The following SDK2 variants were observed in gnomAD, a reference collection of about 807,000 sequenced individuals.
SDK2 encodes sidekick cell adhesion molecule 2, also known as protein sidekick-2.
In SDK2, 105 loss-of-function variants were observed where a neutral mutation model predicts 253.9. The observed-to-expected ratio is 0.41, with a 90% CI of 0.35 to 0.49. SDK2 has a LOEUF of 0.49. Ranked by LOEUF, SDK2 falls within the 20% of genes least tolerant of loss-of-function variation. The pLI is 0.06. For synonymous variants in SDK2, 1,249 were observed against 1,234.9 expected (o/e 1.01, Z -0.24); for missense variants, 2,608 against 3,003.0 (o/e 0.87, Z 3.07).
Position 73,361,889 on chromosome 17 carries a change from G to A in SDK2, c.5306-44C>T, listed in dbSNP as rs143440601. The stretch of plus-strand genomic sequence containing the variant: ...GTGGGGACTGGGCACAGGGCCCACC[G>A]AGGGCACTGGAGGCCATGGGGAAGG... On this transcript the variant is annotated intron_variant, in intron 38 of 44. Transcript: ENST00000392650. The surrounding 1 kb of genome is among the most constrained non-coding windows in gnomAD (Gnocchi z 4.1). 2,128 of 1,517,700 alleles carry A rather than the reference G, an allele frequency of 1.4e-3. 25 individuals are homozygous for A. The African/African-American group carries it at 0.026, about 19-fold the overall frequency. 94.0% of individuals were successfully genotyped at this position (1,517,700 alleles called of 1,614,324 possible).
In SDK2 at chr17:73,361,752, C is replaced by A. The variant is rs993067545; in HGVS notation, c.5399G>T (p.Arg1800Leu). The change falls in exon 39 of 45, where the codon CGC (arginine) becomes CTC (leucine). Residue 1800 changes from arginine to leucine, a missense_variant. Arg to Leu is a moderately radical substitution (Grantham distance 102). Transcript: ENST00000392650. This position sits in a 1 kb window ranked among gnomAD's most constrained non-coding sequence, Gnocchi z 4.1. ...DLAEGVTYRF[R>L]IRAKTFTYGP... ...GTAGGTGAAGGTCTTGGCTCTGATGCGGAACCTGTAGGTCACCCCCTCCGC... is the reference window on the plus strand; with the variant it reads ...GTAGGTGAAGGTCTTGGCTCTGATGAGGAACCTGTAGGTCACCCCCTCCGC... 6.2e-6 allele frequency: 10 copies of A among 1,613,518 alleles called. No individual in the cohort carries two copies. The highest frequency in any genetic ancestry group is 8.5e-6 in the Non-Finnish European group (10 of 1,179,666).
intron 41 of SDK2, 120 bp from the exon 42 acceptor site, chr17:73,350,910 C>T (rs2062532170): frequency 1.9e-5 from 20 of 1,029,426 alleles, no homozygotes; most frequent in South Asian, 3.4e-5. Context: ...CTGTACCCTC[C>T]GAATGAGGCA....
intron 1 of SDK2, among the ~76,000 whole-genome samples, chr17:73,554,467 G>C (rs1374746633): frequency 6.6e-6 from 1 of 152,204 alleles, no homozygotes; most frequent in Non-Finnish European, 1.5e-5. Flanking sequence ...TGAGGGCACA[G>C]GCTCATATGG....
At chr17:73,620,477 A>G (rs2046120040) in intron 1 of SDK2, among the ~76,000 whole-genome samples, 1 of 152,226 alleles carries the variant, frequency 6.6e-6, no homozygotes, top group Admixed American at 6.5e-5. Context: ...TCGTTCCTCA[A>G]AAAGTTAAAC....
chr17:73,340,858 C>T (rs2062430585), intron 44 of SDK2, among the ~76,000 whole-genome samples: 1 of 147,114 alleles, frequency 6.8e-6, no homozygotes, highest in Non-Finnish European at 1.5e-5. Flanking sequence ...ATTCTCCTGC[C>T]TCAGCCTCCT....
chr17:73,529,113 T>C (rs2064149343), intron 1 of SDK2, among the ~76,000 whole-genome samples: 1 of 152,174 alleles, frequency 6.6e-6, no homozygotes, highest in African/African-American at 2.4e-5. Flanking sequence ...TTTTCTGTCA[T>C]ATGGGGAAAC....
intron 1 of SDK2, among the ~76,000 whole-genome samples, chr17:73,566,872 T>TAA (rs58337324): frequency 7.8e-6 from 1 of 128,374 alleles, no homozygotes; most frequent in Non-Finnish European, 1.7e-5. Flanking sequence ...CACTTATAAT[T>TAA]AAAAAAAAAA....
At chr17:73,385,725 G>A in intron 32 of SDK2, 122 bp downstream of exon 32, 2 of 864,668 alleles carry the variant, frequency 2.3e-6, no homozygotes, top group Non-Finnish European at 3.8e-6. Context: ...TGGCTTCCCA[G>A]GCGCTCTGGG....
chr17:73,601,890 C>T (rs2045846752), intron 1 of SDK2, among the ~76,000 whole-genome samples: 1 of 152,056 alleles, frequency 6.6e-6, no homozygotes, highest in Non-Finnish European at 1.5e-5. Context: ...ATTACAGGCA[C>T]CCAGCACCAT....
Position 73,338,484 on chromosome 17 carries a change from T to C in SDK2, c.*103A>G, listed in dbSNP as rs560080431. ...AAAAATAAACTCAGGAGGTGAAAAG[T>C]TGACTTGGTTTCTTGGTGTTTTTGT... is the stretch of plus-strand genomic sequence containing the variant. On this transcript the variant is annotated 3_prime_UTR_variant, in exon 45 of 45. Transcript: ENST00000392650. The surrounding 1 kb of genome is among the most constrained non-coding windows in gnomAD (Gnocchi z 5.0). 11 of 766,650 alleles carry C rather than the reference T, an allele frequency of 1.4e-5. No homozygotes were observed. Among genetic ancestry groups the C allele is most frequent in the East Asian group, 2.7e-5 (1 of 37,214 alleles). The allele number at this position is 766,650 out of a possible 1,614,324, so 47.5% of individuals were successfully genotyped here. A position where few individuals can be genotyped will look rare whatever the true frequency, so the allele number is the denominator to read the frequency against.
rs62070866 is a variant in SDK2, at chr17:73,515,403, G to A, written c.65-7806C>T. Among the ~76,000 whole-genome samples the A allele has an allele frequency of 4.1e-3, 625 of 152,338 alleles. 2 individuals are homozygous for A. The highest frequency in any genetic ancestry group is 9.5e-3 in the Admixed American group (145 of 15,310). The stretch of plus-strand genomic sequence containing the variant: ...ACGCAGCATTCATACTCCAGCCTGC[G>A]ATGTCACAGCCCCAGAGCCAGATTC... On this transcript the variant is annotated intron_variant, in intron 1 of 44. Transcript: ENST00000392650.
chr17:73,432,065 C>T (rs1295468833), intron 10 of SDK2, among the ~76,000 whole-genome samples: 2 of 151,932 alleles, frequency 1.3e-5, no homozygotes, highest in East Asian at 1.9e-4. Flanking sequence ...AAGGTGATGA[C>T]GGGCATCCTG....
chr17:73,428,981 C>A (rs1424562203), intron 12 of SDK2, among the ~76,000 whole-genome samples: 1 of 152,184 alleles, frequency 6.6e-6, no homozygotes, highest in Non-Finnish European at 1.5e-5. Flanking sequence ...CTGGAAGGGC[C>A]TACAGAGTGG....
chr17:73,385,348 A>G (rs2062863644), intron 32 of SDK2, among the ~76,000 whole-genome samples: 1 of 152,118 alleles, frequency 6.6e-6, no homozygotes. Context: ...AGGGGTATGG[A>G]CGAAGGGGGG....
intron 11 of SDK2, 47 bp from the exon 12 acceptor site, chr17:73,430,660 T>C (rs746662086): frequency 1.5e-6 from 2 of 1,328,318 alleles, no homozygotes; most frequent in Admixed American, 2.9e-5. Context: ...GTGTGGGGGC[T>C]GTGTGGCTGG....
At chr17:73,607,366 C>T in intron 1 of SDK2, among the ~76,000 whole-genome samples, 1 of 150,990 alleles carries the variant, frequency 6.6e-6, no homozygotes, top group Non-Finnish European at 1.5e-5. Context: ...GAGAGGCCCA[C>T]ACGCACTCAT....
At chr17:73,622,299 G>A (rs1213413610) in intron 1 of SDK2, among the ~76,000 whole-genome samples, 1 of 152,218 alleles carries the variant, frequency 6.6e-6, no homozygotes, top group Non-Finnish European at 1.5e-5. Flanking sequence ...ACGTTGGAAA[G>A]GGGACCCAGG....
chr17:73,385,767 GGT>G, intron 32 of SDK2, 78 bp downstream of exon 32: 1 of 1,324,590 alleles, frequency 7.5e-7, no homozygotes, highest in Non-Finnish European at 1.1e-6. Context: ...ACGCAGCCCT[GGT>G]GGGGACTGCT....
chr17:73,572,048 T>C (rs1044782232), intron 1 of SDK2, among the ~76,000 whole-genome samples: 4 of 152,076 alleles, frequency 2.6e-5, no homozygotes, highest in Admixed American at 2.0e-4. Context: ...GGGATGTGCC[T>C]GGGAAAGATG....
Sources: allele counts gnomAD v4.1 joint callset (sites outside exome capture counted in the v4.1 genomes callset), GRCh38; gene constraint gnomAD v4.1.1; non-coding constraint Gnocchi (gnomAD v3.1); transcripts MANE v1.5; gene names NCBI Gene and HGNC (gene_info 2026-07-23, HGNC 2026-07-21).